LDLRAD3: variants seen among roughly 807,000 people sequenced by gnomAD.
LDLRAD3 encodes low-density lipoprotein receptor class A domain-containing protein 3.
In LDLRAD3, 20 loss-of-function variants were observed where a neutral mutation model predicts 29.4. The observed-to-expected ratio is 0.68, with a 90% confidence interval of 0.48 to 0.99. The LOEUF (loss-of-function observed/expected upper bound fraction) is 0.99, where lower values mean the gene tolerates loss of function less well. Among genes scored for constraint, LDLRAD3 ranks in the 50% least tolerant of loss-of-function variants. The pLI, the probability that LDLRAD3 is intolerant of heterozygous loss-of-function variation, is 0.00. For synonymous variants in LDLRAD3, 157 were observed against 192.7 expected (o/e 0.81, Z 1.53); for missense variants, 420 against 454.3 (o/e 0.92, Z 0.69).
At chr11:36,054,090 C>T (rs1852569352) in intron 2 of LDLRAD3, among the ~76,000 whole-genome samples, 1 of 152,184 alleles carries the variant, frequency 6.6e-6, no homozygotes, top group Non-Finnish European at 1.5e-5. Context: ...CACACTTTCC[C>T]TGCGCTCTCT....
At chr11:36,090,691 A>G (rs556329455) in intron 3 of LDLRAD3, among the ~76,000 whole-genome samples, 10 of 152,332 alleles carry the variant, frequency 6.6e-5, no homozygotes, top group African/African-American at 2.4e-4. Flanking sequence ...TCGAGTCCTT[A>G]GAGCCTGAGG....
At chr11:36,138,331 G>C (rs143644207) in intron 4 of LDLRAD3, among the ~76,000 whole-genome samples, 9 of 152,282 alleles carry the variant, frequency 5.9e-5, no homozygotes, top group African/African-American at 2.2e-4. Context: ...CTAGCACAGT[G>C]CCTGGCACAT....
intron 3 of LDLRAD3, among the ~76,000 whole-genome samples, chr11:36,086,736 A>G (rs1420375725): frequency 6.6e-6 from 1 of 152,166 alleles, no homozygotes; most frequent in Non-Finnish European, 1.5e-5. Flanking sequence ...CATTTTGGTG[A>G]TAGTTTAAAT....
At chr11:36,069,176 G>A (rs1208919682) in intron 2 of LDLRAD3, among the ~76,000 whole-genome samples, 1 of 152,184 alleles carries the variant, frequency 6.6e-6, no homozygotes, top group African/African-American at 2.4e-5. Flanking sequence ...TTTTGCAAAG[G>A]CTAGAATTCC....
chr11:36,084,695 A>G (rs1308453217), intron 3 of LDLRAD3, among the ~76,000 whole-genome samples: 1 of 152,188 alleles, frequency 6.6e-6, no homozygotes, highest in African/African-American at 2.4e-5. Context: ...CTAATGAAAA[A>G]TGGGTCTAGG....
chr11:36,102,862 T>C (rs1392928913), intron 4 of LDLRAD3, among the ~76,000 whole-genome samples: 1 of 152,144 alleles, frequency 6.6e-6, no homozygotes, highest in Non-Finnish European at 1.5e-5. Flanking sequence ...CTTACAAATG[T>C]TGACTGAATG....
intron 1 of LDLRAD3, among the ~76,000 whole-genome samples, chr11:36,020,920 G>T (rs1478665354): frequency 2.0e-5 from 3 of 152,214 alleles, no homozygotes; most frequent in Non-Finnish European, 4.4e-5. Flanking sequence ...AGCCATTAGT[G>T]CCAAAGAGGT....
At chr11:36,178,505 C>A (rs567383941) in intron 4 of LDLRAD3, among the ~76,000 whole-genome samples, 4 of 152,344 alleles carry the variant, frequency 2.6e-5, no homozygotes, top group Admixed American at 1.3e-4. Flanking sequence ...CCCACTCAAA[C>A]CCCTTCCAAA....
intron 4 of LDLRAD3, among the ~76,000 whole-genome samples, chr11:36,212,296 C>T (rs565690800): frequency 8.5e-5 from 13 of 152,092 alleles, no homozygotes; most frequent in Non-Finnish European, 1.9e-4. Flanking sequence ...ACCCCCTTCC[C>T]GTGCTGTCTC....
chr11:36,186,922 C>T (rs577605109), intron 4 of LDLRAD3, among the ~76,000 whole-genome samples: 10 of 152,274 alleles, frequency 6.6e-5, no homozygotes, highest in Admixed American at 2.0e-4. Context: ...AGTTATTCCT[C>T]CCCTTAAGTT....
chr11:36,072,226 G>A lies in LDLRAD3; in HGVS notation c.194-9427G>A, dbSNP rs188353524. Among the ~76,000 whole-genome samples, 643 of 152,324 alleles carry A rather than the reference G, an allele frequency of 4.2e-3. 3 individuals are homozygous for A. The highest frequency in any genetic ancestry group is 7.5e-3 in the Non-Finnish European group (507 of 68,032). On this transcript the variant is annotated intron_variant, in intron 2 of 5. Transcript: ENST00000315571. ...TCCTGGAGACCCACAGCTACAGCAGGAGCTGTTTCCATAGCCTGAGAGATG... is the reference window on the plus strand; with the variant it reads ...TCCTGGAGACCCACAGCTACAGCAGAAGCTGTTTCCATAGCCTGAGAGATG...
At chr11:36,039,713 T>C (rs529615321) in intron 2 of LDLRAD3, among the ~76,000 whole-genome samples, 31 of 152,344 alleles carry the variant, frequency 2.0e-4, no homozygotes, top group African/African-American at 7.0e-4. Context: ...TTCACAGTTG[T>C]TTTGGGAGGC....
intron 2 of LDLRAD3, among the ~76,000 whole-genome samples, chr11:36,038,150 C>T (rs183795334): frequency 5.8e-4 from 88 of 152,152 alleles, no homozygotes; most frequent in African/African-American, 1.4e-3. Flanking sequence ...CATCTACCTC[C>T]GCCTTCCAAC....
chr11:36,183,127 G>A (rs1390532228), intron 4 of LDLRAD3, among the ~76,000 whole-genome samples: 3 of 152,162 alleles, frequency 2.0e-5, no homozygotes, highest in Non-Finnish European at 4.4e-5. Context: ...GGACGTAGAC[G>A]GTGGGATGGT....
intron 4 of LDLRAD3, among the ~76,000 whole-genome samples, chr11:36,171,230 C>T (rs1288887808): frequency 6.6e-6 from 1 of 152,166 alleles, no homozygotes; most frequent in Non-Finnish European, 1.5e-5. Context: ...CAAAGATTTT[C>T]TCCCATTCTG....
chr11:36,081,569 T>TTTCACATTCAG, intron 2 of LDLRAD3, 84 bp from the exon 3 acceptor site: 1 of 1,550,692 alleles, frequency 6.4e-7, no homozygotes, highest in Non-Finnish European at 8.9e-7. Flanking sequence ...GTGGACTCAT[T>TTTCACATTCAG]TTCACATTCA....
chr11:36,159,898 C>G (rs1291259379), intron 4 of LDLRAD3, among the ~76,000 whole-genome samples: 2 of 152,160 alleles, frequency 1.3e-5, no homozygotes, highest in African/African-American at 2.4e-5. Flanking sequence ...AAGCCTGAGT[C>G]TTATGTTCCC....
chr11:36,036,066 T>C (rs1231924716), intron 1 of LDLRAD3, 37 bp from the exon 2 acceptor site: 5 of 1,602,162 alleles, frequency 3.1e-6, no homozygotes, highest in African/African-American at 1.3e-5. Flanking sequence ...GTCCCTGCTG[T>C]TGCTGTGCCG....
At chr11:36,034,914 G>A (rs544739140) in intron 1 of LDLRAD3, among the ~76,000 whole-genome samples, 100 of 152,312 alleles carry the variant, frequency 6.6e-4, no homozygotes, top group African/African-American at 2.3e-3. Flanking sequence ...TTAGGGATCT[G>A]GAAATCTAGA....
Sources: allele counts gnomAD v4.1 joint callset (sites outside exome capture counted in the v4.1 genomes callset), GRCh38; gene constraint gnomAD v4.1.1; transcripts MANE v1.5; gene names NCBI Gene and HGNC (gene_info 2026-07-23, HGNC 2026-07-21).